The following NME7 variants were observed in gnomAD, a reference collection of about 807,000 sequenced individuals.
The protein encoded by NME7 is NME/NM23 family member 7, also known as nucleoside diphosphate kinase 7.
NME7 carries 41 observed loss-of-function variants against 49.1 expected under a neutral mutation model. That is an observed-to-expected ratio of 0.83 (90% CI 0.65 to 1.08). NME7 has a LOEUF of 1.08. NME7 is among the 50% of genes least tolerant of loss of function. The probability of loss-of-function intolerance (pLI) is 0.00; values close to 1 mark genes in which losing one functional copy is unlikely to be tolerated. For missense variants in NME7, 423 were observed against 463.4 expected (o/e 0.91, Z 0.80); for synonymous variants, 139 against 150.6 (o/e 0.92, Z 0.56).
chr1:169,272,826 G>T (rs149047777), intron 7 of NME7, among the ~76,000 whole-genome samples: 3,430 of 132,676 alleles, frequency 0.026, 486 homozygotes, highest in African/African-American at 0.083. Flanking sequence ...TGGCATTGCT[G>T]GGTCAAATGG....
At chr1:169,298,978 G>C (rs1377633337) in intron 5 of NME7, among the ~76,000 whole-genome samples, 3 of 152,080 alleles carry the variant, frequency 2.0e-5, no homozygotes, top group Non-Finnish European at 4.4e-5. Flanking sequence ...CACTAGTAAT[G>C]TCAAATTACT....
chr1:169,226,064 T>C (rs1188368498), intron 10 of NME7, among the ~76,000 whole-genome samples: 1 of 152,206 alleles, frequency 6.6e-6, no homozygotes, highest in Non-Finnish European at 1.5e-5. Flanking sequence ...GTTCATCAAA[T>C]ATTTATTGCA....
At chr1:169,252,054 A>C (rs1249267841) in intron 7 of NME7, among the ~76,000 whole-genome samples, 39 of 148,086 alleles carry the variant, frequency 2.6e-4, no homozygotes, top group African/African-American at 1.0e-3. Context: ...AGCATGATTT[A>C]TAGTCCTTTG....
chr1:169,267,829 A>G (rs549787739), intron 7 of NME7, among the ~76,000 whole-genome samples: 1 of 134,034 alleles, frequency 7.5e-6, no homozygotes, highest in South Asian at 2.3e-4. Flanking sequence ...TAAAACCTAA[A>G]TAAAAACCCT....
intron 7 of NME7, among the ~76,000 whole-genome samples, chr1:169,278,003 T>C (rs1359566110): frequency 6.6e-6 from 1 of 151,414 alleles, no homozygotes; most frequent in Non-Finnish European, 1.5e-5. Flanking sequence ...TTAAGAATGG[T>C]GAATATTGGC....
At position 169,278,430 on chromosome 1, in the gene NME7, A is replaced by AT. The variant is rs201993171; in HGVS notation, c.754+8872dup. Among the ~76,000 whole-genome samples, 999 of 151,938 alleles carry AT rather than the reference A, an allele frequency of 6.6e-3. 34 individuals carry two copies. The highest frequency in any genetic ancestry group is 0.054 in the Admixed American group (824 of 15,256). On this transcript the variant is annotated intron_variant, in intron 7 of 11. Coordinates refer to ENST00000367811, the MANE Select transcript of NME7 (RefSeq NM_013330.5). ...TAAACTTCCCTTCTCACTTCATTTC[A>AT]TTCATTTCATCTTCCATCACTGAAA...
chr1:169,366,015 C>T (rs1653838036), intron 1 of NME7, among the ~76,000 whole-genome samples: 1 of 152,050 alleles, frequency 6.6e-6, no homozygotes, highest in African/African-American at 2.4e-5. Context: ...CAGATGTGTC[C>T]GGGAAGCAAC....
At chr1:169,208,041 A>T (rs1289058269) in intron 10 of NME7, among the ~76,000 whole-genome samples, 1 of 152,114 alleles carries the variant, frequency 6.6e-6, no homozygotes, top group African/African-American at 2.4e-5. Context: ...TTCATACCAG[A>T]TGCCCTCTTT....
chr1:169,193,392 T>C (rs887797835), intron 10 of NME7, among the ~76,000 whole-genome samples: 2 of 152,136 alleles, frequency 1.3e-5, no homozygotes, highest in African/African-American at 2.4e-5. Context: ...CATGGCTCAG[T>C]ACTATTCATG....
chr1:169,224,527 TA>T (rs1661243601), intron 10 of NME7, among the ~76,000 whole-genome samples: 6 of 152,136 alleles, frequency 3.9e-5, no homozygotes, highest in Admixed American at 3.9e-4. Flanking sequence ...TATACATATA[TA>T]CACACATTTA....
rs1265351088 is a variant in NME7 at position 169,255,863 on chromosome 1, C to A, written c.755-18176G>T. Among the ~76,000 whole-genome samples, 3 of 132,180 alleles carry A rather than the reference C, an allele frequency of 2.3e-5. 1 individual carries two copies. Among genetic ancestry groups the A allele is most frequent in the Non-Finnish European group, 5.3e-5 (3 of 56,458 alleles). The allele number at this position is 132,180 out of a possible 152,430, so 86.7% of individuals were successfully genotyped here. A position where few individuals can be genotyped will look rare whatever the true frequency, so the allele number is the denominator to read the frequency against. ...GATATGAAATTCTGGGTTGAAAATT[C>A]TTTTCTTTAAGAATGGTGAATATTG... On this transcript the variant is annotated intron_variant, in intron 7 of 11. Transcript: ENST00000367811.
chr1:169,292,584 G>A (rs1402471531), intron 6 of NME7, among the ~76,000 whole-genome samples: 1 of 152,122 alleles, frequency 6.6e-6, no homozygotes, highest in African/African-American at 2.4e-5. Flanking sequence ...TACAGAAGGT[G>A]AGGCAGGATA....
At chr1:169,365,970 G>C (rs1450026038) in intron 1 of NME7, among the ~76,000 whole-genome samples, 2 of 152,204 alleles carry the variant, frequency 1.3e-5, no homozygotes, top group African/African-American at 4.8e-5. Context: ...AGCAAGTTCA[G>C]TTTTGGTCAT....
chr1:169,181,929 C>G (rs1311318231), intron 10 of NME7, among the ~76,000 whole-genome samples: 1 of 152,110 alleles, frequency 6.6e-6, no homozygotes, highest in African/African-American at 2.4e-5. Context: ...CTTCCTACTG[C>G]CTAGGGTCCA....
At position 169,161,390 on chromosome 1, in the gene NME7, G is replaced by A. The variant is rs998991559; in HGVS notation, c.1098+8057C>T. 2.6e-5 allele frequency among the ~76,000 whole-genome samples: 4 copies of A among 152,308 alleles called. No individual in the cohort carries two copies. In the South Asian group the frequency reaches 8.3e-4, roughly 32 times the overall value. Reference sequence around the variant, plus strand: ...AGATAAATTATGAGTGTCAGTATGTGCAGAGGCCTGCGTTAATCACGGCCA... The same window carrying A: ...AGATAAATTATGAGTGTCAGTATGTACAGAGGCCTGCGTTAATCACGGCCA... On this transcript the variant is annotated intron_variant, in intron 11 of 11. Coordinates refer to ENST00000367811, the MANE Select transcript of NME7 (RefSeq NM_013330.5).
intron 6 of NME7, among the ~76,000 whole-genome samples, chr1:169,289,432 T>C (rs575459201): frequency 2.0e-4 from 30 of 152,292 alleles, no homozygotes; most frequent in African/African-American, 7.0e-4. Flanking sequence ...AAAATAAATA[T>C]ATCCACAGTG....
rs181880378 is a variant in NME7, at chr1:169,320,495, T to C, written c.278+2622A>G. Among the ~76,000 whole-genome samples the C allele has an allele frequency of 2.0e-5, 3 of 152,330 alleles. No homozygotes were observed. The East Asian group carries it at 5.8e-4, about 29-fold the overall frequency. On this transcript the variant is annotated intron_variant, in intron 3 of 11. Coordinates refer to ENST00000367811, the MANE Select transcript of NME7 (RefSeq NM_013330.5). ...AATGTAATTGGTTCAAAAATTTTTC[T>C]CAACACTATACAAAACTGAGAACTA...
intron 10 of NME7, among the ~76,000 whole-genome samples, chr1:169,170,574 T>G (rs1659554612): frequency 6.6e-6 from 1 of 152,216 alleles, no homozygotes; most frequent in Admixed American, 6.5e-5. Flanking sequence ...ATTTATTACT[T>G]TCATTCTGTT....
At chr1:169,356,279 G>A (rs549226142) in intron 1 of NME7, among the ~76,000 whole-genome samples, 6 of 152,068 alleles carry the variant, frequency 3.9e-5, no homozygotes, top group Non-Finnish European at 5.9e-5. Flanking sequence ...AGGCACTATC[G>A]TTAAAATGGC....
Sources: allele counts gnomAD v4.1 joint callset (sites outside exome capture counted in the v4.1 genomes callset), GRCh38; gene constraint gnomAD v4.1.1; transcripts MANE v1.5; gene names NCBI Gene and HGNC (gene_info 2026-07-23, HGNC 2026-07-21).